Variants in FAM20A observed in about 807,000 individuals in gnomAD.
FAM20A encodes pseudokinase FAM20A.
In FAM20A, 42 loss-of-function variants were observed where a neutral mutation model predicts 52.0. The ratio of observed to expected loss-of-function variants is 0.81; its 90% CI spans 0.63 to 1.04. The LOEUF is 1.04. Ranked by LOEUF, FAM20A falls within the 50% of genes least tolerant of loss-of-function variation. FAM20A has a pLI of 0.00. For synonymous variants in FAM20A, 304 were observed against 298.9 expected, an observed-to-expected ratio of 1.02 and a Z score of -0.18; for missense variants, 742 against 712.7, an observed-to-expected ratio of 1.04 and a Z score of -0.47.
intron 1 of FAM20A, among the ~76,000 whole-genome samples, chr17:68,562,463 T>C (rs2087241602): frequency 6.6e-6 from 1 of 152,220 alleles, no homozygotes; most frequent in Non-Finnish European, 1.5e-5. Context: ...AACTCAATGA[T>C]GGTGCTCCTT....
intron 1 of FAM20A, among the ~76,000 whole-genome samples, chr17:68,588,713 C>G (rs2088225707): frequency 6.6e-6 from 1 of 152,160 alleles, no homozygotes; most frequent in South Asian, 2.1e-4. Context: ...ACCCACAGGA[C>G]CTCATTTAAC....
At chr17:68,588,913 G>A (rs1205841211) in intron 1 of FAM20A, among the ~76,000 whole-genome samples, 1 of 152,218 alleles carries the variant, frequency 6.6e-6, no homozygotes, top group African/African-American at 2.4e-5. Flanking sequence ...ACTATCAGCT[G>A]TCTGCCCACT....
intron 1 of FAM20A, among the ~76,000 whole-genome samples, chr17:68,576,968 G>A (rs1226645650): frequency 6.6e-6 from 1 of 152,134 alleles, no homozygotes; most frequent in Non-Finnish European, 1.5e-5. Flanking sequence ...ACACCCTGGA[G>A]AAGAATGAAA....
chr17:68,543,887 C>T (rs1285734920), intron 4 of FAM20A, among the ~76,000 whole-genome samples, 166 bp from the exon 5 acceptor site: 1 of 152,098 alleles, frequency 6.6e-6, no homozygotes, highest in Non-Finnish European at 1.5e-5. Context: ...CTCCCTTCGC[C>T]AGGAGAAGAC....
chr17:68,583,006 C>A (rs1321668490), intron 1 of FAM20A, among the ~76,000 whole-genome samples: 1 of 151,144 alleles, frequency 6.6e-6, no homozygotes, highest in Admixed American at 6.6e-5. Flanking sequence ...CAGGGTTTCA[C>A]CATGTTGGCC....
At chr17:68,559,596 G>A (rs2087152804) in intron 1 of FAM20A, among the ~76,000 whole-genome samples, 1 of 152,156 alleles carries the variant, frequency 6.6e-6, no homozygotes, top group Admixed American at 6.5e-5. Flanking sequence ...AAAAAGAAGA[G>A]TATTTCTTTC....
intron 1 of FAM20A, among the ~76,000 whole-genome samples, chr17:68,587,290 G>A (rs959152817): frequency 6.6e-6 from 1 of 152,212 alleles, no homozygotes; most frequent in Non-Finnish European, 1.5e-5. Flanking sequence ...CTAGGCTAGT[G>A]CAGCAAAGTG....
intron 1 of FAM20A, among the ~76,000 whole-genome samples, chr17:68,573,141 A>G (rs1568763769): frequency 6.6e-6 from 1 of 152,156 alleles, no homozygotes; most frequent in Non-Finnish European, 1.5e-5. Context: ...ACCATTAGTG[A>G]TGGGTTTGTG....
At chr17:68,557,670 T>A (rs1231373210) in intron 1 of FAM20A, 1 of 152,172 alleles carries the variant, frequency 6.6e-6, no homozygotes, top group Non-Finnish European at 1.5e-5. Flanking sequence ...ACTAAGGCAG[T>A]TTTGCTTCAC....
intron 6 of FAM20A, 86 bp from the exon 7 acceptor site, chr17:68,542,251 G>T: frequency 7.0e-7 from 1 of 1,438,814 alleles, no homozygotes; most frequent in Non-Finnish European, 9.7e-7. Flanking sequence ...CACTGGGAGG[G>T]AAGGGAAACC....
chr17:68,599,359 C>G (rs2088545057), intron 1 of FAM20A, among the ~76,000 whole-genome samples: 1 of 152,216 alleles, frequency 6.6e-6, no homozygotes, highest in Non-Finnish European at 1.5e-5. Context: ...GTCCTTAACT[C>G]ATACGAAGGC....
intron 4 of FAM20A, among the ~76,000 whole-genome samples, chr17:68,549,167 C>T (rs2143622792): frequency 6.6e-6 from 1 of 152,312 alleles, no homozygotes; most frequent in African/African-American, 2.4e-5. Flanking sequence ...GAGTGGAGCT[C>T]ATCCATTGCA....
chr17:68,598,027 G>T, intron 1 of FAM20A: 1 of 113,424 alleles, frequency 8.8e-6, no homozygotes, highest in Non-Finnish European at 1.9e-5. Context: ...TTTTTCTGAG[G>T]CAAGGTTTCA....
At chr17:68,541,257 C>T in intron 7 of FAM20A, 1 of 407,824 alleles carries the variant, frequency 2.5e-6, no homozygotes, top group Admixed American at 3.6e-5. Context: ...CCCTCACCTG[C>T]TTCCTCGTCC....
chr17:68,588,133 A>C (rs554740513), intron 1 of FAM20A, among the ~76,000 whole-genome samples: 1,592 of 152,136 alleles, frequency 0.01, 15 homozygotes, highest in Middle Eastern at 0.017. Context: ...GACGTAAAAA[A>C]AAAAAGGGGG....
chr17:68,543,527 G>T, intron 5 of FAM20A, 102 bp downstream of exon 5: 1 of 1,009,046 alleles, frequency 9.9e-7, no homozygotes. Flanking sequence ...AAGCCAGAAG[G>T]AAGAAATGCC....
chr17:68,575,036 C>A (rs947028478), intron 1 of FAM20A: 1 of 151,988 alleles, frequency 6.6e-6, no homozygotes, highest in Non-Finnish European at 1.5e-5. Flanking sequence ...TCGATAGGTA[C>A]AACTATTATG....
intron 4 of FAM20A, among the ~76,000 whole-genome samples, chr17:68,545,986 G>A (rs142604916): frequency 6.6e-6 from 1 of 152,080 alleles, no homozygotes; most frequent in East Asian, 1.9e-4. Flanking sequence ...TGGCTAACAC[G>A]GTGAAACCCT....
At position 68,600,819 on chromosome 17, in the gene FAM20A, G is replaced by A; in HGVS notation, c.-153C>T. 2.7e-6 allele frequency: 2 copies of A among 754,038 alleles called. No individual in the cohort carries two copies. Among genetic ancestry groups the A allele is most frequent in the Non-Finnish European group, 4.1e-6 (2 of 491,290 alleles). 46.7% of individuals were successfully genotyped at this position (754,038 alleles called of 1,614,324 possible). Reference sequence around the variant, plus strand: ...TGCTCCCCGCGCGGGCTAGTCCCCTGTGGAGGGGTGTCGCTCCTCAACTTG... The same window carrying A: ...TGCTCCCCGCGCGGGCTAGTCCCCTATGGAGGGGTGTCGCTCCTCAACTTG... On this transcript the variant is annotated 5_prime_UTR_variant, in exon 1 of 11. Transcript: ENST00000592554. This position sits in a 1 kb window ranked among gnomAD's most constrained non-coding sequence, Gnocchi z 6.2.
Sources: gnomAD v4.1 joint callset for allele counts (sites outside exome capture counted in the v4.1 genomes callset) on GRCh38, gnomAD v4.1.1 for gene constraint, Gnocchi (gnomAD v3.1) non-coding constraint, MANE v1.5 for transcripts, NCBI Gene and HGNC (gene_info 2026-07-23, HGNC 2026-07-21) for gene names.